Variants in ECD observed in about 807,000 individuals in gnomAD.
ECD encodes protein ecdysoneless homolog.
ECD carries 59 observed loss-of-function variants against 77.2 expected under a neutral mutation model. The observed-to-expected ratio is 0.76, with a 90% CI of 0.62 to 0.95. ECD has a LOEUF of 0.95. Ranked by LOEUF, ECD falls within the 40% of genes least tolerant of loss-of-function variation. The probability of loss-of-function intolerance (pLI) is 0.00; values close to 1 mark genes in which losing one functional copy is unlikely to be tolerated. For missense variants in ECD, 704 were observed against 763.4 expected (o/e 0.92, Z 0.92); for synonymous variants, 233 against 267.4 (o/e 0.87, Z 1.26).
chr10:73,137,835 A>G (rs926298027), intron 12 of ECD, among the ~76,000 whole-genome samples, 168 bp downstream of exon 12: 2 of 152,126 alleles, frequency 1.3e-5, no homozygotes, highest in African/African-American at 4.8e-5. Context: ...TAAGCTAGGC[A>G]GCCTCTACAA....
chr10:73,167,214 TCTG>T (rs549120620), intron 1 of ECD, among the ~76,000 whole-genome samples: 41 of 152,188 alleles, frequency 2.7e-4, no homozygotes, highest in Non-Finnish European at 5.3e-4. Context: ...TGTTGTATAA[TCTG>T]AAGTCGGGTA....
rs61729620 is a variant in ECD, at chr10:73,154,304, A to C, written c.735T>G (p.Ala245=). Residue 245 remains alanine, a synonymous_variant, in exon 6 of 14, where the codon GCT becomes GCG. Transcript: ENST00000372979. ...FYLRDPIDLR[A]CRVFKTFLPE... is the part of the protein sequence containing the mutation. The stretch of plus-strand genomic sequence containing the variant: ...GCAAGAATGTCTTGAAAACACGACA[A>C]GCTCGCAGGTCAATAGGGTCTCGTA... 1.4e-3 allele frequency: 2,225 copies of C among 1,612,628 alleles called. 30 individuals carry two copies. In the African/African-American group the frequency reaches 0.026, roughly 19 times the overall value.
chr10:73,150,510 C>CA (rs1188252918), intron 7 of ECD, among the ~76,000 whole-genome samples: 2 of 152,100 alleles, frequency 1.3e-5, no homozygotes, highest in African/African-American at 2.4e-5. Context: ...CAACAAAAGC[C>CA]AAAATTGACA....
At chr10:73,148,608 C>T (rs1843158861) in intron 7 of ECD, among the ~76,000 whole-genome samples, 1 of 152,058 alleles carries the variant, frequency 6.6e-6, no homozygotes, top group Non-Finnish European at 1.5e-5. Context: ...TTACTAAAAA[C>T]ATAAAAGGAA....
chr10:73,139,643 G>C lies in ECD; in HGVS notation c.1222C>G (p.Pro408Ala). The change falls in exon 10 of 14, where the codon CCC becomes GCC. Residue 408 changes from proline (P) to alanine (A), a missense_variant. Physicochemically the swap from Pro to Ala is conservative, Grantham distance 27 (BLOSUM62 -1). Coordinates refer to ENST00000372979, the MANE Select transcript of ECD (RefSeq NM_007265.3). Reference protein sequence around the residue: ...EDLKKEAANLPPEDDDQWLDL... With the variant: ...EDLKKEAANLAPEDDDQWLDL... ...GTCCATCACTTACCATCCTCTGGGG[G>C]AAGATTAGCTGCTTCTTTCTTAAGG... The C allele has an allele frequency of 6.2e-7, 1 of 1,608,606 alleles. No homozygotes were observed. The highest frequency in any genetic ancestry group is 8.5e-7 in the Non-Finnish European group (1 of 1,178,284).
intron 3 of ECD, among the ~76,000 whole-genome samples, chr10:73,158,863 C>A (rs1186413595): frequency 1.3e-5 from 2 of 151,836 alleles, no homozygotes; most frequent in African/African-American, 2.4e-5. Flanking sequence ...AATAGTAAGA[C>A]CCCGTCTTTA....
intron 6 of ECD, among the ~76,000 whole-genome samples, chr10:73,153,436 G>T (rs1231487000): frequency 2.0e-5 from 3 of 148,428 alleles, no homozygotes; most frequent in Non-Finnish European, 4.5e-5. Context: ...ATGTTTTATT[G>T]TTAAGAAGGA....
At position 73,136,772 on chromosome 10, in the gene ECD, T is replaced by C. The variant is rs747068425; in HGVS notation, c.1636A>G (p.Met546Val). 2.5e-6 allele frequency: 4 copies of C among 1,614,088 alleles called. No homozygotes were observed. The highest frequency in any genetic ancestry group is 3.4e-6 in the Non-Finnish European group (4 of 1,179,992). ...KGTLDNLKSYMAQMDQELAHT... is the reference protein window; with the variant it reads ...KGTLDNLKSYVAQMDQELAHT... ...GCTAGTTCCTGGTCCATCTGGGCCATGTATGACTTGAGATTATCAAGTGTT... is the reference window on the plus strand; with the variant it reads ...GCTAGTTCCTGGTCCATCTGGGCCACGTATGACTTGAGATTATCAAGTGTT... Residue 546 changes from methionine (M) to valine (V), a missense_variant, in exon 13 of 14, where the codon ATG (methionine) becomes GTG (valine). This residue lies in a region of ECD where 142 missense variants were observed against 163.6 expected (regional missense o/e 0.87). Coordinates refer to ENST00000372979, the MANE Select transcript of ECD (RefSeq NM_007265.3).
At chr10:73,159,230 G>C (rs1009064133) in intron 3 of ECD, among the ~76,000 whole-genome samples, 5 of 152,256 alleles carry the variant, frequency 3.3e-5, no homozygotes, top group Non-Finnish European at 5.9e-5. Flanking sequence ...TAAGTGGGCG[G>C]AACGCCCTCT....
In ECD at chr10:73,156,291, T is replaced by C. The variant is rs34251877; in HGVS notation, c.574A>G (p.Asn192Asp). 669 of 1,599,620 alleles carry C rather than the reference T, an allele frequency of 4.2e-4. No individual in the cohort carries two copies. The African/African-American group carries it at 8.1e-3, about 19-fold the overall frequency. The change falls in exon 5 of 14, where the codon AAT (asparagine) becomes GAT (aspartate). Residue 192 changes from asparagine to aspartate, a missense_variant. By Grantham distance (23) the Asn-to-Asp change is conservative. Transcript: ENST00000372979. ...TTTTCTTACCCTCTGATGCGCCTAT[T>C]CACAGCAGCTCGTATAGATTCTGAA... ...LASESIRAAV[N>D]RRIRGYPEKI...
intron 1 of ECD, among the ~76,000 whole-genome samples, chr10:73,164,700 A>G (rs1192469250): frequency 6.6e-6 from 1 of 152,144 alleles, no homozygotes; most frequent in Non-Finnish European, 1.5e-5. Flanking sequence ...AGAACTTCTG[A>G]GCTCAAGCAG....
intron 8 of ECD, 37 bp from the exon 9 acceptor site, chr10:73,146,398 A>C: frequency 6.9e-7 from 1 of 1,442,890 alleles, no homozygotes; most frequent in Non-Finnish European, 9.4e-7. Flanking sequence ...AACATTACTC[A>C]CAAGTTGTCA....
chr10:73,160,892 T>C (rs1214997224), intron 2 of ECD, among the ~76,000 whole-genome samples: 1 of 152,228 alleles, frequency 6.6e-6, no homozygotes, highest in East Asian at 1.9e-4. Flanking sequence ...CACAGAGGCA[T>C]GATGTATAGA....
At position 73,146,360 on chromosome 10, in the gene ECD, C is replaced by A. The variant is rs76434138; in HGVS notation, c.1043G>T (p.Gly348Val). The change falls in exon 9 of 14, where the codon GGA becomes GTA. Residue 348 changes from glycine (G) to valine (V), a missense_variant and splice_region_variant. Coordinates refer to ENST00000372979, the MANE Select transcript of ECD (RefSeq NM_007265.3). ...ESLKKNDYFKGLIEGSAQYRE... is the reference protein window; with the variant it reads ...ESLKKNDYFKVLIEGSAQYRE... ...GTACTGAGCAGAACCTTCTATCAGT[C>A]CCTTAAAAAAAAAAAAAGGTCTATC... 6.3e-7 allele frequency: 1 copy of A among 1,585,902 alleles called. No homozygotes were observed. The highest frequency in any genetic ancestry group is 1.8e-5 in the Admixed American group (1 of 54,966).
intron 2 of ECD, among the ~76,000 whole-genome samples, chr10:73,161,754 C>T (rs1306894436): frequency 6.6e-6 from 1 of 152,136 alleles, no homozygotes; most frequent in Non-Finnish European, 1.5e-5. Flanking sequence ...GATCAATATC[C>T]CTGATGAGTA....
At chr10:73,138,203 G>C in intron 11 of ECD, 133 bp from the exon 12 acceptor site, 1 of 638,440 alleles carries the variant, frequency 1.6e-6, no homozygotes, top group South Asian at 3.5e-5. Context: ...AAAAGTTGTA[G>C]TTTAAGTTTT....
chr10:73,165,824 C>G (rs1158346356), intron 1 of ECD, among the ~76,000 whole-genome samples: 2 of 152,070 alleles, frequency 1.3e-5, no homozygotes, highest in Non-Finnish European at 2.9e-5. Context: ...ATAGCCAGGA[C>G]ATGCTCTCAT....
intron 9 of ECD, among the ~76,000 whole-genome samples, chr10:73,144,886 C>A (rs1307215087): frequency 1.3e-5 from 2 of 151,934 alleles, no homozygotes; most frequent in Admixed American, 1.3e-4. Context: ...GTTCCAAATA[C>A]CTTAAAAAAA....
Position 73,146,369 on chromosome 10 carries a change from A to G in ECD, c.1042-8T>C. The G allele has an allele frequency of 6.3e-7, 1 of 1,583,450 alleles. No individual in the cohort carries two copies. Among genetic ancestry groups the G allele is most frequent in the Non-Finnish European group, 8.6e-7 (1 of 1,166,586 alleles). ...AGAACCTTCTATCAGTCCCTTAAAA[A>G]AAAAAAAAGGTCTATCAGAACATTA... On this transcript the variant is annotated splice_region_variant and splice_polypyrimidine_tract_variant and intron_variant, in intron 8 of 13. Transcript: ENST00000372979.
Sources: allele counts gnomAD v4.1 joint callset (sites outside exome capture counted in the v4.1 genomes callset), GRCh38; gene constraint gnomAD v4.1.1; regional missense constraint gnomAD v4.1.1; transcripts MANE v1.5; gene names NCBI Gene and HGNC (gene_info 2026-07-23, HGNC 2026-07-21).